Variants in GPRIN3 observed in about 807,000 individuals in gnomAD.
GPRIN3 encodes the protein G protein-regulated inducer of neurite outgrowth 3.
GPRIN3 carries 12 observed loss-of-function variants against 13.7 expected under a neutral mutation model. The observed-to-expected ratio is 0.87, with a 90% CI of 0.56 to 1.42. The LOEUF (loss-of-function observed/expected upper bound fraction) is 1.42. Among genes scored for constraint, GPRIN3 ranks in the 40% most tolerant of loss-of-function variants. The pLI, the probability that GPRIN3 is intolerant of heterozygous loss-of-function variation, is 0.00. For missense variants in GPRIN3, 1,009 were observed against 958.7 expected, an observed-to-expected ratio of 1.05 and a Z score of -0.69; for synonymous variants, 377 against 372.7, an observed-to-expected ratio of 1.01 and a Z score of -0.13.
At chr4:89,268,801 G>A (rs546652540) in intron 1 of GPRIN3, among the ~76,000 whole-genome samples, 3 of 152,140 alleles carry the variant, frequency 2.0e-5, no homozygotes, top group South Asian at 2.1e-4. Flanking sequence ...GCTTGAAATC[G>A]GGCCACTGAG....
chr4:89,257,665 A>C (rs1048091547), intron 1 of GPRIN3, among the ~76,000 whole-genome samples: 1 of 152,190 alleles, frequency 6.6e-6, no homozygotes, highest in Non-Finnish European at 1.5e-5. Flanking sequence ...CACATTGTTA[A>C]CCAGTTTTAC....
chr4:89,272,235 T>C (rs2149272290), intron 1 of GPRIN3, among the ~76,000 whole-genome samples: 1 of 152,260 alleles, frequency 6.6e-6, no homozygotes, highest in East Asian at 1.9e-4. Context: ...GGCCTGTATC[T>C]TAGCGGGAAG....
chr4:89,286,715 A>T (rs993364603), intron 1 of GPRIN3, among the ~76,000 whole-genome samples: 1 of 152,226 alleles, frequency 6.6e-6, no homozygotes, highest in East Asian at 1.9e-4. Flanking sequence ...TCTTTCTCCC[A>T]TTACATTGAA....
At chr4:89,273,277 T>C (rs1028043143) in intron 1 of GPRIN3, among the ~76,000 whole-genome samples, 3 of 152,224 alleles carry the variant, frequency 2.0e-5, no homozygotes, top group East Asian at 1.9e-4. Context: ...TTAATTGATA[T>C]AGAATTTCAA....
At position 89,239,977 on chromosome 4, in the gene GPRIN3, A is replaced by G. The variant is rs1447435661; in HGVS notation, c.*7803T>C. 1 of 152,128 alleles carries G rather than the reference A, an allele frequency of 6.6e-6. No individual in the cohort carries two copies. Among genetic ancestry groups the G allele is most frequent in the Non-Finnish European group, 1.5e-5 (1 of 68,018 alleles). The allele number at this position is 152,128 out of a possible 1,614,324, so 9.4% of individuals were successfully genotyped here. A position where few individuals can be genotyped will look rare whatever the true frequency, so the allele number is the denominator to read the frequency against. On this transcript the variant is annotated 3_prime_UTR_variant, in exon 2 of 2. Coordinates refer to ENST00000609438, the MANE Select transcript of GPRIN3 (RefSeq NM_198281.3). ...ACGCCCAGCCTCCATGCATATTTTC[A>G]ATCTGATACCCAACCAACGTAATTT...
At chr4:89,273,534 A>C (rs4538447) in intron 1 of GPRIN3, among the ~76,000 whole-genome samples, 16,536 of 152,146 alleles carry the variant, frequency 0.11, 1,170 homozygotes, top group African/African-American at 0.19. Context: ...TAAAAATACA[A>C]AAATTAGCTA....
chr4:89,279,459 A>T (rs532017339), intron 1 of GPRIN3, among the ~76,000 whole-genome samples: 5 of 152,290 alleles, frequency 3.3e-5, no homozygotes, highest in African/African-American at 1.2e-4. Context: ...CTACTGACTT[A>T]CATATAGCTC....
intron 1 of GPRIN3, among the ~76,000 whole-genome samples, chr4:89,266,099 A>T (rs1723772183): frequency 6.6e-6 from 1 of 152,214 alleles, no homozygotes; most frequent in Non-Finnish European, 1.5e-5. Context: ...AACACAAATT[A>T]ACCAACTGAT....
Position 89,262,917 on chromosome 4 carries a change from A to G in GPRIN3, c.-123-12684T>C, listed in dbSNP as rs528125154. ...TAAATCCAAAGATGACCTAAGACAA[A>G]CAACTACGAAATTAAGTCAAAACAT... On this transcript the variant is annotated intron_variant, in intron 1 of 1. Coordinates refer to ENST00000609438, the MANE Select transcript of GPRIN3 (RefSeq NM_198281.3). Among the ~76,000 whole-genome samples, 4 of 152,344 alleles carry G rather than the reference A, an allele frequency of 2.6e-5. No individual in the cohort carries two copies. The South Asian group carries it at 8.3e-4, about 32-fold the overall frequency.
At position 89,263,635 on chromosome 4, in the gene GPRIN3, G is replaced by A. The variant is rs552851357; in HGVS notation, c.-123-13402C>T. Among the ~76,000 whole-genome samples the A allele has an allele frequency of 4.6e-5, 7 of 152,332 alleles. No homozygotes were observed. In the South Asian group the frequency reaches 1.4e-3, roughly 32 times the overall value. On this transcript the variant is annotated intron_variant, in intron 1 of 1. Coordinates refer to ENST00000609438, the MANE Select transcript of GPRIN3 (RefSeq NM_198281.3). ...CCTGTGAGCCTGAATTTTCGTGGCT[G>A]TAGGACAAAGTACCCCATCTTTAGC...
intron 1 of GPRIN3, among the ~76,000 whole-genome samples, chr4:89,262,941 A>T (rs1240863368): frequency 6.6e-6 from 1 of 152,246 alleles, no homozygotes; most frequent in Non-Finnish European, 1.5e-5. Flanking sequence ...AAGTCAAAAC[A>T]TCAATAAAAG....
At chr4:89,304,851 A>T (rs1393581609) in intron 1 of GPRIN3, among the ~76,000 whole-genome samples, 5 of 152,124 alleles carry the variant, frequency 3.3e-5, no homozygotes, top group African/African-American at 1.2e-4. Context: ...CTATTCCCTC[A>T]TTCTCTCTCT....
rs1476873086 is a variant in GPRIN3, at chr4:89,286,607, C to T, written c.-124+21008G>A. Among the ~76,000 whole-genome samples, 8 of 151,594 alleles carry T rather than the reference C, an allele frequency of 5.3e-5. No homozygotes were observed. In the South Asian group the frequency reaches 8.3e-4, roughly 16 times the overall value. ...CCAATTCAATTTTTTTTGTTTCTTA[C>T]GTACATATCCTTTTATACATTAATT... On this transcript the variant is annotated intron_variant, in intron 1 of 1. Coordinates refer to ENST00000609438, the MANE Select transcript of GPRIN3 (RefSeq NM_198281.3).
chr4:89,275,600 A>C (rs1437053687), intron 1 of GPRIN3, among the ~76,000 whole-genome samples: 1 of 152,214 alleles, frequency 6.6e-6, no homozygotes, highest in African/African-American at 2.4e-5. Flanking sequence ...GCCCTGGCTA[A>C]CAAGATAATA....
At position 89,243,406 on chromosome 4, in the gene GPRIN3, C is replaced by T. The variant is rs953411978; in HGVS notation, c.*4374G>A. The stretch of plus-strand genomic sequence containing the variant: ...ATTCAGCATATCCTCTGTTATTTGC[C>T]AGGTGGCAGCAGCTGACCCGAATTT... On this transcript the variant is annotated 3_prime_UTR_variant, in exon 2 of 2. Transcript: ENST00000609438. 9 of 152,132 alleles carry T rather than the reference C, an allele frequency of 5.9e-5. No individual in the cohort carries two copies. Among genetic ancestry groups the T allele is most frequent in the African/African-American group, 1.9e-4 (8 of 41,448 alleles). 9.4% of individuals were successfully genotyped at this position (152,132 alleles called of 1,614,324 possible). A position where few individuals can be genotyped will look rare whatever the true frequency, so the allele number is the denominator to read the frequency against.
In GPRIN3 at chr4:89,248,339, C is replaced by G. The variant is rs374260930; in HGVS notation, c.1772G>C (p.Ser591Thr). The G allele has an allele frequency of 6.8e-6, 11 of 1,614,020 alleles. No homozygotes were observed. The highest frequency in any genetic ancestry group is 9.3e-6 in the Non-Finnish European group (11 of 1,180,028). Residue 591 changes from serine to threonine, a missense_variant, in exon 2 of 2, where the codon AGC becomes ACC. Coordinates refer to ENST00000609438, the MANE Select transcript of GPRIN3 (RefSeq NM_198281.3). Reference sequence around the variant, plus strand: ...GGTCTGTCTGTTTTCTTCTAAGGTGCTCTCCTGGTTCTTCCTAATTGGGGA... The same window carrying G: ...GGTCTGTCTGTTTTCTTCTAAGGTGGTCTCCTGGTTCTTCCTAATTGGGGA... ...TPSPIRKNQE[S>T]TLEENRQTKT... is the part of the protein sequence containing the mutation.
chr4:89,294,135 G>T (rs1325846420), intron 1 of GPRIN3, among the ~76,000 whole-genome samples: 1 of 152,188 alleles, frequency 6.6e-6, no homozygotes, highest in Non-Finnish European at 1.5e-5. Flanking sequence ...CAATTAATTT[G>T]AACTTCGGCA....
rs1723024715 is a variant in GPRIN3 at position 89,244,240 on chromosome 4, T to C, written c.*3540A>G. On this transcript the variant is annotated 3_prime_UTR_variant, in exon 2 of 2. Coordinates refer to ENST00000609438, the MANE Select transcript of GPRIN3 (RefSeq NM_198281.3). ...CAGCAAGCTCCTATTATGAATTTGG[T>C]TCTGAAATCCAACCTCTAAGGTATA... 1 of 152,174 alleles carries C rather than the reference T, an allele frequency of 6.6e-6. No individual in the cohort carries two copies. The highest frequency in any genetic ancestry group is 1.5e-5 in the Non-Finnish European group (1 of 67,994). 9.4% of individuals were successfully genotyped at this position (152,174 alleles called of 1,614,324 possible).
chr4:89,304,932 C>T (rs529613500), intron 1 of GPRIN3, among the ~76,000 whole-genome samples: 2 of 152,248 alleles, frequency 1.3e-5, no homozygotes, highest in African/African-American at 4.8e-5. Flanking sequence ...ATAATTAAGA[C>T]TTTTCCCCCT....
Sources: gnomAD v4.1 joint callset for allele counts (sites outside exome capture counted in the v4.1 genomes callset) on GRCh38, gnomAD v4.1.1 for gene constraint, MANE v1.5 for transcripts, NCBI Gene and HGNC (gene_info 2026-07-23, HGNC 2026-07-21) for gene names.